Variants in TLL2 observed in about 807,000 individuals in gnomAD.
TLL2 encodes the protein tolloid-like protein 2.
In TLL2, 106 loss-of-function variants were observed where a neutral mutation model predicts 123.0. That is an observed-to-expected ratio of 0.86 (90% confidence interval 0.74 to 1.01). TLL2 has a LOEUF of 1.01. TLL2 is among the 50% of genes least tolerant of loss of function. The probability of loss-of-function intolerance (pLI) is 0.00; values close to 1 mark genes in which losing one functional copy is unlikely to be tolerated. For synonymous variants in TLL2, 494 were observed against 516.8 expected, an observed-to-expected ratio of 0.96 and a Z score of 0.60; for missense variants, 1,332 against 1,336.7, an observed-to-expected ratio of 1.00 and a Z score of 0.06.
intron 15 of TLL2, among the ~76,000 whole-genome samples, chr10:96,385,823 T>C (rs2134057803): frequency 1.3e-5 from 2 of 152,194 alleles, no homozygotes; most frequent in Middle Eastern, 3.4e-3. Context: ...TTGTCCTGAT[T>C]CTCCTTGGAT....
intron 13 of TLL2, among the ~76,000 whole-genome samples, chr10:96,391,496 G>A (rs1885681): frequency 0.98 from 149,166 of 152,308 alleles, 73,113 homozygotes; most frequent in East Asian, 1. Flanking sequence ...CCCCCTTCAC[G>A]TTCCTTCCCT....
intron 14 of TLL2, 70 bp downstream of exon 14, chr10:96,386,883 C>G (rs1030951971): frequency 6.3e-7 from 1 of 1,592,634 alleles, no homozygotes; most frequent in African/African-American, 1.3e-5. Context: ...GTTGCCCCAT[C>G]TCTGCCCCAC....
intron 9 of TLL2, among the ~76,000 whole-genome samples, 174 bp from the exon 10 acceptor site, chr10:96,405,508 A>G (rs981269084): frequency 6.6e-6 from 1 of 152,230 alleles, no homozygotes; most frequent in African/African-American, 2.4e-5. Flanking sequence ...ATTAAATAAT[A>G]AACCTTAAGC....
chr10:96,411,648 G>T (rs1018154278), intron 8 of TLL2, among the ~76,000 whole-genome samples: 1 of 152,244 alleles, frequency 6.6e-6, no homozygotes, highest in Non-Finnish European at 1.5e-5. Flanking sequence ...ACACTGGTTT[G>T]CTGAGAGCCC....
chr10:96,390,194 T>C (rs1372496164), intron 13 of TLL2, among the ~76,000 whole-genome samples: 2 of 152,236 alleles, frequency 1.3e-5, no homozygotes, highest in Non-Finnish European at 2.9e-5. Flanking sequence ...ATGAGACGGC[T>C]CAGGCAGGAT....
chr10:96,472,882 T>C (rs533136083), intron 2 of TLL2, among the ~76,000 whole-genome samples: 1 of 152,360 alleles, frequency 6.6e-6, no homozygotes, highest in Admixed American at 6.5e-5. Flanking sequence ...AGTTCTCTGA[T>C]TCTGGACATT....
chr10:96,402,622 T>TG (rs1202751936), intron 10 of TLL2, among the ~76,000 whole-genome samples: 1 of 152,188 alleles, frequency 6.6e-6, no homozygotes, highest in Non-Finnish European at 1.5e-5. Context: ...CCTGCCACTG[T>TG]GGGGCGGACT....
chr10:96,413,854 A>G lies in TLL2; in HGVS notation c.924-538T>C, dbSNP rs375107759. Among the ~76,000 whole-genome samples, 9 of 152,310 alleles carry G rather than the reference A, an allele frequency of 5.9e-5. No individual in the cohort carries two copies. The South Asian group carries it at 1.7e-3, about 28-fold the overall frequency. On this transcript the variant is annotated intron_variant, in intron 7 of 20. Transcript: ENST00000357947. ...CAGATGGAAAATGAGATAAATGCAG[A>G]GAACAAGAAGTAGTGAAAAAAGCCC... is the stretch of plus-strand genomic sequence containing the variant.
chr10:96,480,445 C>T lies in TLL2; in HGVS notation c.190G>A (p.Asp64Asn). Residue 64 changes from aspartate (D) to asparagine (N), a missense_variant, in exon 2 of 21, where the codon GAC becomes AAC. Transcript: ENST00000357947. Reference sequence around the variant, plus strand: ...AAGTCATCTTCATCTAAGGCAATGTCTCCCCAAAAGACAGCTGGGAAGGAA... The same window carrying T: ...AAGTCATCTTCATCTAAGGCAATGTTTCCCCAAAAGACAGCTGGGAAGGAA... ...DPCKAAVFWG[D>N]IALDEDDLKL... 6.2e-7 allele frequency: 1 copy of T among 1,614,142 alleles called. No homozygotes were observed.
At position 96,480,476 on chromosome 10, in the gene TLL2, TA is replaced by T; in HGVS notation, c.176-18del. The T allele has an allele frequency of 3.1e-6, 5 of 1,591,288 alleles. No individual in the cohort carries two copies. Among genetic ancestry groups the T allele is most frequent in the Non-Finnish European group, 4.3e-6 (5 of 1,159,178 alleles). On this transcript the variant is annotated intron_variant, in intron 1 of 20. Transcript: ENST00000357947. ...AAAAGACAGCTGGGAAGGAAACACA[TA>T]AGTGGGTGAATTTATGCTAGAAGTC...
chr10:96,404,982 A>G (rs1846435910), intron 10 of TLL2, among the ~76,000 whole-genome samples: 1 of 152,236 alleles, frequency 6.6e-6, no homozygotes, highest in East Asian at 1.9e-4. Flanking sequence ...CCCTGTAGCT[A>G]GAGCTTTGCA....
intron 1 of TLL2, among the ~76,000 whole-genome samples, chr10:96,485,382 T>C (rs1434170340): frequency 5.9e-5 from 9 of 152,164 alleles, no homozygotes; most frequent in Admixed American, 3.3e-4. Context: ...GGGAGAAAAT[T>C]TGTGCAAGTC....
intron 2 of TLL2, among the ~76,000 whole-genome samples, chr10:96,449,030 G>A (rs1307968610): frequency 6.6e-6 from 1 of 152,188 alleles, no homozygotes; most frequent in African/African-American, 2.4e-5. Context: ...AGTGATGGAG[G>A]GGGGAAAGAA....
chr10:96,381,223 C>T (rs147600347), intron 16 of TLL2, among the ~76,000 whole-genome samples: 2,070 of 149,172 alleles, frequency 0.014, 28 homozygotes, highest in South Asian at 0.068. Flanking sequence ...GTCCTCCAGC[C>T]GCCTGGCCCT....
chr10:96,381,921 C>T (rs1392683817), intron 16 of TLL2, among the ~76,000 whole-genome samples: 4 of 152,166 alleles, frequency 2.6e-5, no homozygotes, highest in Non-Finnish European at 5.9e-5. Flanking sequence ...CATTTCTATG[C>T]CAAGCATTAA....
At position 96,472,608 on chromosome 10, in the gene TLL2, A is replaced by G. The variant is rs1055001672; in HGVS notation, c.286+7741T>C. ...GACATCTCGTCTCCACAAAAAATACAAAAATTAGCCAGGCACGGTGACATG... is the reference window on the plus strand; with the variant it reads ...GACATCTCGTCTCCACAAAAAATACGAAAATTAGCCAGGCACGGTGACATG... On this transcript the variant is annotated intron_variant, in intron 2 of 20. Coordinates refer to ENST00000357947, the MANE Select transcript of TLL2 (RefSeq NM_012465.4). Among the ~76,000 whole-genome samples, 5 of 152,184 alleles carry G rather than the reference A, an allele frequency of 3.3e-5. No individual in the cohort carries two copies. In the East Asian group the frequency reaches 7.7e-4, roughly 24 times the overall value.
Position 96,476,353 on chromosome 10 carries a change from C to T in TLL2, c.286+3996G>A, listed in dbSNP as rs546341049. ...AATCGTACTAGCAACCTCCACCTCCCGGGTTCCAGCAATTCTCCTGCCTCA... is the reference window on the plus strand; with the variant it reads ...AATCGTACTAGCAACCTCCACCTCCTGGGTTCCAGCAATTCTCCTGCCTCA... On this transcript the variant is annotated intron_variant, in intron 2 of 20. Coordinates refer to ENST00000357947, the MANE Select transcript of TLL2 (RefSeq NM_012465.4). Among the ~76,000 whole-genome samples, 394 of 149,994 alleles carry T rather than the reference C, an allele frequency of 2.6e-3. 1 individual carries two copies. The highest frequency in any genetic ancestry group is 9.4e-3 in the African/African-American group (383 of 40,700).
At chr10:96,380,909 G>A (rs572957470) in intron 16 of TLL2, among the ~76,000 whole-genome samples, 73 of 151,490 alleles carry the variant, frequency 4.8e-4, no homozygotes, top group African/African-American at 1.7e-3. Context: ...GCCAGGAGGC[G>A]GAGATTGCGG....
rs545429177 is a variant in TLL2 at position 96,422,701 on chromosome 10, C to A, written c.665G>T (p.Gly222Val). The part of the protein sequence containing the change: ...CGCCSYVGRR[G>V]GGPQAISIGK... ...AATGGATATGGCCTGTGGGCCTCCTCCTCGGCGCCCAACATAGGAGCAACA... is the reference window on the plus strand; with the variant it reads ...AATGGATATGGCCTGTGGGCCTCCTACTCGGCGCCCAACATAGGAGCAACA... The change falls in exon 6 of 21, where the codon GGA becomes GTA. Residue 222 changes from glycine (G) to valine (V), a missense_variant. Gly to Val is a moderately radical substitution (Grantham distance 109, BLOSUM62 -3). Transcript: ENST00000357947. 7.4e-6 allele frequency: 12 copies of A among 1,614,212 alleles called. No individual in the cohort carries two copies. In the South Asian group the frequency reaches 1.3e-4, roughly 18 times the overall value.
Sources: gnomAD v4.1 joint callset for allele counts (sites outside exome capture counted in the v4.1 genomes callset) on GRCh38, gnomAD v4.1.1 for gene constraint, MANE v1.5 for transcripts, NCBI Gene and HGNC (gene_info 2026-07-23, HGNC 2026-07-21) for gene names.